PTPRD: variants seen among roughly 807,000 people sequenced by gnomAD.
PTPRD encodes protein tyrosine phosphatase receptor type D.
Under a neutral mutation model 214.5 loss-of-function variants are expected in PTPRD, and 34 were observed. The observed-to-expected ratio is 0.16, with a 90% CI of 0.12 to 0.21. The LOEUF (loss-of-function observed/expected upper bound fraction) is 0.21. Ranked by LOEUF, PTPRD falls within the 10% of genes least tolerant of loss-of-function variation. The pLI, the probability that PTPRD is intolerant of heterozygous loss-of-function variation, is 1.00. For synonymous variants in PTPRD, 1,128 were observed against 845.7 expected (o/e 1.33, Z -5.79); for missense variants, 2,545 against 2,398.7 (o/e 1.06, Z -1.27).
chr9:10,085,016 T>C (rs908831196), intron 3 of PTPRD, among the ~76,000 whole-genome samples: 1 of 151,882 alleles, frequency 6.6e-6, no homozygotes, highest in African/African-American at 2.4e-5. Flanking sequence ...TAAATATCAA[T>C]GTCTTTTAAA....
chr9:10,556,284 A>AGGAGGGGC lies in PTPRD; in HGVS notation c.-600+56113_-600+56114insGCCCCTCC. Reference sequence around the variant, plus strand: ...AAATGTTAGGTAGAAATGTAAAATAATTCGAAATTTTACAATGTATGTGAT... The same window carrying AGGAGGGGC: ...AAATGTTAGGTAGAAATGTAAAATAAGGAGGGGCTTCGAAATTTTACAATGTATGTGAT... On this transcript the variant is annotated intron_variant, in intron 2 of 45. Transcript: ENST00000381196. Among the ~76,000 whole-genome samples the AGGAGGGGC allele has an allele frequency of 3.3e-5, 5 of 152,010 alleles. No individual in the cohort carries two copies. The Admixed American group carries it at 3.3e-4, about 10-fold the overall frequency.
chr9:10,463,750 C>CA (rs1566227281), intron 2 of PTPRD, among the ~76,000 whole-genome samples: 1 of 151,326 alleles, frequency 6.6e-6, no homozygotes, highest in African/African-American at 2.4e-5. Context: ...CAGAGTCTTA[C>CA]AAAAAAGAGG....
intron 2 of PTPRD, among the ~76,000 whole-genome samples, chr9:10,355,046 A>C (rs1388231253): frequency 6.6e-6 from 1 of 152,176 alleles, no homozygotes; most frequent in Non-Finnish European, 1.5e-5. Flanking sequence ...TCAGAAAATA[A>C]ATTTCTTAGA....
intron 8 of PTPRD, among the ~76,000 whole-genome samples, chr9:9,471,090 A>T (rs545881619): frequency 6.6e-6 from 1 of 152,328 alleles, no homozygotes; most frequent in African/African-American, 2.4e-5. Context: ...AATGTAAAGC[A>T]TTAAGTACTT....
intron 3 of PTPRD, among the ~76,000 whole-genome samples, chr9:10,224,290 A>G (rs185420705): frequency 6.6e-6 from 1 of 152,114 alleles, no homozygotes; most frequent in Admixed American, 6.6e-5. Context: ...TCAAATAAAG[A>G]GTTTATAAAA....
At chr9:8,320,891 A>C (rs1406978442) in intron 44 of PTPRD, among the ~76,000 whole-genome samples, 1 of 152,118 alleles carries the variant, frequency 6.6e-6, no homozygotes, top group Admixed American at 6.6e-5. Context: ...AATCTGAAAA[A>C]TCCCTGCATT....
intron 8 of PTPRD, among the ~76,000 whole-genome samples, chr9:9,447,620 C>A (rs2090878485): frequency 2.6e-5 from 4 of 151,970 alleles, no homozygotes. Flanking sequence ...GCCCCAATGG[C>A]AAATGTTTAC....
intron 2 of PTPRD, among the ~76,000 whole-genome samples, chr9:10,531,320 G>C (rs927199063): frequency 6.6e-6 from 1 of 152,136 alleles, no homozygotes; most frequent in African/African-American, 2.4e-5. Context: ...ATTACAGTCA[G>C]TTCTGCTATA....
At chr9:10,449,240 C>G (rs987810648) in intron 2 of PTPRD, among the ~76,000 whole-genome samples, 1 of 151,892 alleles carries the variant, frequency 6.6e-6, no homozygotes, top group African/African-American at 2.4e-5. Context: ...GAGGTTTCGC[C>G]GCGTTGGCCG....
chr9:10,320,890 G>A (rs937627612), intron 3 of PTPRD, among the ~76,000 whole-genome samples: 1 of 151,876 alleles, frequency 6.6e-6, no homozygotes, highest in African/African-American at 2.4e-5. Flanking sequence ...ACAATGCCCA[G>A]TAAATTTTTG....
At chr9:9,624,333 A>G (rs2095349083) in intron 7 of PTPRD, among the ~76,000 whole-genome samples, 1 of 151,874 alleles carries the variant, frequency 6.6e-6, no homozygotes, top group African/African-American at 2.4e-5. Flanking sequence ...CCCAGGCTGG[A>G]GTACAGTGGC....
chr9:9,665,336 C>T (rs2096700710), intron 7 of PTPRD, among the ~76,000 whole-genome samples: 1 of 151,712 alleles, frequency 6.6e-6, no homozygotes, highest in Non-Finnish European at 1.5e-5. Flanking sequence ...GAGCTGTATA[C>T]ACTTAGAAAA....
At chr9:8,999,050 T>C (rs2099407734) in intron 11 of PTPRD, among the ~76,000 whole-genome samples, 1 of 152,088 alleles carries the variant, frequency 6.6e-6, no homozygotes, top group Non-Finnish European at 1.5e-5. Flanking sequence ...AATGATTGCA[T>C]GAGACGGAAT....
chr9:9,276,166 T>C (rs1177782792), intron 9 of PTPRD, among the ~76,000 whole-genome samples: 3 of 151,306 alleles, frequency 2.0e-5, no homozygotes, highest in Non-Finnish European at 4.4e-5. Context: ...GTAATTTCAT[T>C]GGGGACATTC....
At chr9:9,373,298 A>G (rs972733553) in intron 9 of PTPRD, among the ~76,000 whole-genome samples, 3 of 152,130 alleles carry the variant, frequency 2.0e-5, no homozygotes, top group African/African-American at 7.2e-5. Flanking sequence ...AAATAAGTCA[A>G]TTTAAGTGAC....
At chr9:10,270,503 G>A (rs2094357314) in intron 3 of PTPRD, among the ~76,000 whole-genome samples, 1 of 152,134 alleles carries the variant, frequency 6.6e-6, no homozygotes, top group Admixed American at 6.6e-5. Flanking sequence ...AGAGGGCTGT[G>A]CCAGATATTG....
intron 3 of PTPRD, among the ~76,000 whole-genome samples, chr9:10,148,727 T>C (rs2099040817): frequency 6.6e-6 from 1 of 152,208 alleles, no homozygotes; most frequent in Admixed American, 6.5e-5. Flanking sequence ...TTACCAACTG[T>C]AATGCCCAGG....
chr9:8,318,125 G>GTGT (rs1255561189), intron 45 of PTPRD, among the ~76,000 whole-genome samples, 183 bp from the exon 46 acceptor site: 1 of 151,984 alleles, frequency 6.6e-6, no homozygotes, highest in East Asian at 1.9e-4. Flanking sequence ...GCCACATGGG[G>GTGT]TGTTGATTAA....
intron 3 of PTPRD, among the ~76,000 whole-genome samples, chr9:10,057,601 T>G (rs1343881350): frequency 6.6e-6 from 1 of 151,996 alleles, no homozygotes; most frequent in Non-Finnish European, 1.5e-5. Flanking sequence ...ATCCCAGCAC[T>G]TGGGAGGTCA....
Sources: allele counts gnomAD v4.1 joint callset (sites outside exome capture counted in the v4.1 genomes callset), GRCh38; gene constraint gnomAD v4.1.1; transcripts MANE v1.5; gene names NCBI Gene and HGNC (gene_info 2026-07-23, HGNC 2026-07-21).